ABHD12: variants seen among roughly 807,000 people sequenced by gnomAD.
The protein encoded by ABHD12 is lysophosphatidylserine lipase ABHD12.
A neutral mutation model predicts 58.3 loss-of-function variants in ABHD12; 43 were observed. The observed-to-expected ratio is 0.74, with a 90% confidence interval of 0.58 to 0.95. ABHD12 has a LOEUF of 0.95. ABHD12 is among the 40% of genes least tolerant of loss of function. The pLI is 0.00. For synonymous variants in ABHD12, 219 were observed against 211.2 expected, an observed-to-expected ratio of 1.04 and a Z score of -0.32; for missense variants, 539 against 537.2, an observed-to-expected ratio of 1.00 and a Z score of -0.03.
intron 1 of ABHD12, among the ~76,000 whole-genome samples, chr20:25,340,686 C>T (rs919116450): frequency 6.6e-6 from 1 of 152,204 alleles, no homozygotes. Context: ...ACTGCTGATA[C>T]AAGCAACAAT....
Position 25,371,645 on chromosome 20 carries a change from A to G in ABHD12, c.191+18868T>C, listed in dbSNP as rs1402663387. 2.0e-5 allele frequency among the ~76,000 whole-genome samples: 3 copies of G among 152,200 alleles called. No individual in the cohort carries two copies. The East Asian group carries it at 5.8e-4, about 29-fold the overall frequency. On this transcript the variant is annotated intron_variant, in intron 1 of 12. Transcript: ENST00000339157. ...ATCTCAGAAACTTGATAGAAAGGCC[A>G]CTGTCTCAGGGTTCAATCATTATAC...
At chr20:25,378,119 G>A (rs1399664956) in intron 1 of ABHD12, among the ~76,000 whole-genome samples, 2 of 152,212 alleles carry the variant, frequency 1.3e-5, no homozygotes, top group African/African-American at 4.8e-5. Flanking sequence ...CAGATACCCT[G>A]AAGATAAATC....
intron 1 of ABHD12, among the ~76,000 whole-genome samples, chr20:25,386,665 G>A (rs1600892136): frequency 1.3e-5 from 2 of 152,226 alleles, no homozygotes; most frequent in Admixed American, 1.3e-4. Flanking sequence ...CAGATTATCT[G>A]AGGTCAGTAG....
chr20:25,346,364 AACT>A (rs2089518563), intron 1 of ABHD12, among the ~76,000 whole-genome samples: 1 of 152,222 alleles, frequency 6.6e-6, no homozygotes, highest in Non-Finnish European at 1.5e-5. Flanking sequence ...AGGGCAGTGA[AACT>A]ATTGTGTATG....
chr20:25,349,870 T>C (rs1164572432), intron 1 of ABHD12, among the ~76,000 whole-genome samples: 7 of 152,214 alleles, frequency 4.6e-5, no homozygotes, highest in African/African-American at 1.7e-4. Context: ...CACTAAATTA[T>C]ACACCTCAAA....
chr20:25,316,921 C>A, intron 5 of ABHD12, 127 bp downstream of exon 5: 3 of 863,692 alleles, frequency 3.5e-6, no homozygotes, highest in Non-Finnish European at 5.8e-6. Flanking sequence ...AGGAGGAGGA[C>A]CCTGTCTCAC....
downstream of ABHD12, chr20:25,296,238 T>G (rs2088541924): frequency 9.1e-7 from 1 of 1,100,114 alleles, no homozygotes; most frequent in South Asian, 1.4e-5. Context: ...GATTGTAATG[T>G]CCTCCTCTTC....
chr20:25,311,307 T>G, intron 6 of ABHD12, among the ~76,000 whole-genome samples: 1 of 149,040 alleles, frequency 6.7e-6, no homozygotes, highest in African/African-American at 2.5e-5. Context: ...GGGAGAGGAG[T>G]CAGGGTCAGA....
intron 1 of ABHD12, among the ~76,000 whole-genome samples, chr20:25,347,938 G>C (rs1408674469): frequency 6.6e-6 from 1 of 151,102 alleles, no homozygotes; most frequent in African/African-American, 2.4e-5. Flanking sequence ...AAGCCTGGGC[G>C]CAGGGTCTCA....
intron 10 of ABHD12, 44 bp downstream of exon 10, chr20:25,306,789 G>C (rs1490625893): frequency 1.4e-6 from 2 of 1,418,682 alleles, no homozygotes; most frequent in Non-Finnish European, 2.0e-6. Flanking sequence ...GGTTCTCAGA[G>C]TTTTTCTAAA....
intron 1 of ABHD12, among the ~76,000 whole-genome samples, chr20:25,373,688 T>C (rs374250071): frequency 1.2e-4 from 19 of 152,182 alleles, no homozygotes; most frequent in African/African-American, 4.1e-4. Flanking sequence ...AGGTTTTTTT[T>C]TTCTTTATCA....
intron 3 of ABHD12, among the ~76,000 whole-genome samples, chr20:25,322,379 A>ATT (rs1290185808): frequency 5.6e-5 from 3 of 53,718 alleles, no homozygotes; most frequent in Admixed American, 2.5e-4. Context: ...ATATATATAT[A>ATT]TATTTTTTTT....
At chr20:25,299,737 A>G (rs896965849), downstream of ABHD12, among the ~76,000 whole-genome samples, 42 of 152,246 alleles carry the variant, frequency 2.8e-4, no homozygotes, top group African/African-American at 1.0e-3. Flanking sequence ...GGAGATCCCA[A>G]CCCTGGGGCA....
chr20:25,340,844 A>G (rs570749301), intron 1 of ABHD12, among the ~76,000 whole-genome samples: 23 of 152,348 alleles, frequency 1.5e-4, no homozygotes, highest in African/African-American at 4.8e-4. Context: ...GGGGTGGAGC[A>G]GGAGATTGAC....
chr20:25,311,522 T>C (rs187796431), intron 6 of ABHD12, among the ~76,000 whole-genome samples: 20 of 152,316 alleles, frequency 1.3e-4, no homozygotes, highest in East Asian at 3.9e-4. Context: ...TAACATGTTA[T>C]AGCAGCAAGA....
chr20:25,375,688 T>C (rs2089953683), intron 1 of ABHD12, among the ~76,000 whole-genome samples: 2 of 149,296 alleles, frequency 1.3e-5, no homozygotes, highest in African/African-American at 5.1e-5. Context: ...CCGAGTTTAC[T>C]GTCCTTTGTT....
At chr20:25,323,715 T>C (rs185472990) in intron 2 of ABHD12, among the ~76,000 whole-genome samples, 1 of 152,224 alleles carries the variant, frequency 6.6e-6, no homozygotes, top group Non-Finnish European at 1.5e-5. Flanking sequence ...GCAAGGTCTG[T>C]GTAGAGACTG....
At chr20:25,310,248 C>T (rs1370131667) in intron 6 of ABHD12, 2 of 152,596 alleles carry the variant, frequency 1.3e-5, no homozygotes, top group African/African-American at 2.4e-5. Context: ...GAGTGGAGTC[C>T]GGAGGCTCCC....
At chr20:25,330,271 C>A (rs1349974331) in intron 2 of ABHD12, among the ~76,000 whole-genome samples, 1 of 152,238 alleles carries the variant, frequency 6.6e-6, no homozygotes, top group African/African-American at 2.4e-5. Context: ...TAAAAAACGG[C>A]ACAACAGGAG....
Sources: gnomAD v4.1 joint callset for allele counts (sites outside exome capture counted in the v4.1 genomes callset) on GRCh38, gnomAD v4.1.1 for gene constraint, MANE v1.5 for transcripts, NCBI Gene and HGNC (gene_info 2026-07-23, HGNC 2026-07-21) for gene names.